PCDHA1: variants seen among roughly 807,000 people sequenced by gnomAD.
PCDHA1 encodes protocadherin alpha 1.
Under a neutral mutation model 61.3 loss-of-function variants are expected in PCDHA1, and 42 were observed. The observed-to-expected ratio is 0.69, with a 90% CI of 0.54 to 0.89. PCDHA1 has a LOEUF of 0.89. PCDHA1 is among the 40% of genes least tolerant of loss of function. PCDHA1 has a pLI of 0.00. For synonymous variants in PCDHA1, 610 were observed against 553.8 expected, an observed-to-expected ratio of 1.10 and a Z score of -1.43; for missense variants, 1,256 against 1,235.3, an observed-to-expected ratio of 1.02 and a Z score of -0.25.
At chr5:140,940,795 A>G (rs2153647229) in intron 1 of PCDHA1, among the ~76,000 whole-genome samples, 1 of 152,276 alleles carries the variant, frequency 6.6e-6, no homozygotes, top group Non-Finnish European at 1.5e-5. Flanking sequence ...TGAAAATGAT[A>G]TTTGCCAGGA....
Position 140,834,605 on chromosome 5 carries a change from T to G in PCDHA1, c.2394+45921T>G, listed in dbSNP as rs2150222820. 19 of 1,613,994 alleles carry G rather than the reference T, an allele frequency of 1.2e-5. No homozygotes were observed. The South Asian group carries it at 2.1e-4, about 18-fold the overall frequency. On this transcript the variant is annotated intron_variant, in intron 1 of 3. Coordinates refer to ENST00000504120, the MANE Select transcript of PCDHA1 (RefSeq NM_018900.4). Reference sequence around the variant, plus strand: ...CGGTGTGCAAATTCCGTGGGGATCTTCTGGAGGTAAATCTGCAGAATGGCA... The same window carrying G: ...CGGTGTGCAAATTCCGTGGGGATCTGCTGGAGGTAAATCTGCAGAATGGCA...
intron 1 of PCDHA1, among the ~76,000 whole-genome samples, chr5:140,888,361 C>G (rs1445087911): frequency 2.0e-5 from 3 of 152,156 alleles, no homozygotes; most frequent in Non-Finnish European, 4.4e-5. Flanking sequence ...CTACTGGCAT[C>G]TAATAATGGA....
At chr5:140,858,372 C>T in intron 1 of PCDHA1, 1 of 1,587,864 alleles carries the variant, frequency 6.3e-7, no homozygotes, top group Non-Finnish European at 8.6e-7. Flanking sequence ...CCCAGCCTTC[C>T]ACCATGCCCA....
chr5:140,799,508 C>T (rs1762438458), intron 1 of PCDHA1, among the ~76,000 whole-genome samples: 1 of 151,836 alleles, frequency 6.6e-6, no homozygotes, highest in South Asian at 2.1e-4. Flanking sequence ...AGAAATAATG[C>T]TTAAATGTTT....
At chr5:140,928,041 C>T (rs2084880685) in intron 1 of PCDHA1, 3 of 1,613,398 alleles carry the variant, frequency 1.9e-6, no homozygotes, top group Non-Finnish European at 2.5e-6. Context: ...CTAGTGCAGG[C>T]CCTTTTCAGC....
intron 1 of PCDHA1, among the ~76,000 whole-genome samples, chr5:140,939,509 C>T (rs1013863525): frequency 9.3e-5 from 14 of 150,592 alleles, no homozygotes; most frequent in Non-Finnish European, 1.8e-4. Flanking sequence ...ATGTCTATAA[C>T]ATTAATAGTT....
intron 1 of PCDHA1, chr5:140,848,054 T>TA (rs1554141984): frequency 1.2e-5 from 2 of 162,052 alleles, no homozygotes; most frequent in African/African-American, 4.9e-5. Context: ...TTTTAATTGT[T>TA]ACTTCATTTC....
Position 140,968,677 on chromosome 5 carries a change from G to A in PCDHA1, c.2395-10272G>A, listed in dbSNP as rs781795184. The A allele has an allele frequency of 5.0e-6, 8 of 1,614,156 alleles. No individual in the cohort carries two copies. In the South Asian group the frequency reaches 8.8e-5, roughly 18 times the overall value. ...ACCTGGACCTCTTTAAGGTAGAGCTGCACACAGGAGAAATTAGGACTACCA... is the reference window on the plus strand; with the variant it reads ...ACCTGGACCTCTTTAAGGTAGAGCTACACACAGGAGAAATTAGGACTACCA... On this transcript the variant is annotated intron_variant, in intron 1 of 3. Coordinates refer to ENST00000504120, the MANE Select transcript of PCDHA1 (RefSeq NM_018900.4).
At chr5:140,807,551 G>A in intron 1 of PCDHA1, 1 of 1,614,204 alleles carries the variant, frequency 6.2e-7, no homozygotes. Flanking sequence ...TGTGGACGTG[G>A]AGGTGAGGGA....
At chr5:140,974,910 C>T (rs1054560750) in intron 1 of PCDHA1, among the ~76,000 whole-genome samples, 1 of 152,114 alleles carries the variant, frequency 6.6e-6, no homozygotes, top group Admixed American at 6.5e-5. Flanking sequence ...AACAAATTAC[C>T]ACAAGTAAGT....
At chr5:140,866,641 A>C (rs567516921) in intron 1 of PCDHA1, 3 of 152,226 alleles carry the variant, frequency 2.0e-5, no homozygotes, top group African/African-American at 2.4e-5. Flanking sequence ...ACGGTGTCAA[A>C]ATTTATTTAT....
Position 140,857,922 on chromosome 5 carries a change from T to C in PCDHA1, c.2394+69238T>C, listed in dbSNP as rs782519535. On this transcript the variant is annotated intron_variant, in intron 1 of 3. Coordinates refer to ENST00000504120, the MANE Select transcript of PCDHA1 (RefSeq NM_018900.4). Reference sequence around the variant, plus strand: ...GCACGCATCCCGTTTCGCGTGGGGCTGTACACGGGCGAGATCAGTACGACG... The same window carrying C: ...GCACGCATCCCGTTTCGCGTGGGGCCGTACACGGGCGAGATCAGTACGACG... The C allele has an allele frequency of 1.9e-6, 3 of 1,597,722 alleles. No homozygotes were observed. The South Asian group carries it at 3.3e-5, about 18-fold the overall frequency.
chr5:140,813,253 A>G (rs1210796090), intron 1 of PCDHA1: 1 of 152,342 alleles, frequency 6.6e-6, no homozygotes, highest in East Asian at 1.9e-4. Context: ...ATCTCCTACT[A>G]CAGTCATTGG....
intron 1 of PCDHA1, chr5:140,836,260 T>C (rs2150256538): frequency 6.2e-7 from 1 of 1,613,780 alleles, no homozygotes; most frequent in Admixed American, 1.7e-5. Flanking sequence ...CGCGTGGGGC[T>C]GTACACTGGT....
rs782446771 is a variant in PCDHA1, at chr5:140,796,531, C to G, written c.2394+7847C>G. On this transcript the variant is annotated intron_variant, in intron 1 of 3. Coordinates refer to ENST00000504120, the MANE Select transcript of PCDHA1 (RefSeq NM_018900.4). ...CGGCAAGGTGTACGCGCTGCAGCCG[C>G]TGGACCACGAGGAAGTGGAGCTGCT... The G allele has an allele frequency of 3.1e-6, 5 of 1,612,656 alleles. No individual in the cohort carries two copies. The African/African-American group carries it at 5.3e-5, about 17-fold the overall frequency.
chr5:140,857,611 G>T, intron 1 of PCDHA1: 1 of 1,596,436 alleles, frequency 6.3e-7, no homozygotes, highest in Admixed American at 1.7e-5. Context: ...CGCTGCAGCC[G>T]CTGGACCACG....
intron 1 of PCDHA1, chr5:140,823,355 T>C (rs951193537): frequency 1.2e-6 from 2 of 1,612,432 alleles, no homozygotes; most frequent in South Asian, 1.1e-5. Context: ...CACGAGGAAG[T>C]GGAGCTGCTG....
At chr5:140,831,655 G>C (rs2150196678) in intron 1 of PCDHA1, among the ~76,000 whole-genome samples, 27 of 151,452 alleles carry the variant, frequency 1.8e-4, no homozygotes, top group African/African-American at 6.1e-4. Context: ...GAGCCACTAT[G>C]CTTGGCTAGT....
In PCDHA1 at chr5:140,894,570, T is replaced by G. The variant is rs558111947; in HGVS notation, c.2395-84379T>G. ...TTTACTTCTGAAAAAATTATTTTCC[T>G]TTTTTTTAATATTTTACTGAGTTTT... On this transcript the variant is annotated intron_variant, in intron 1 of 3. Coordinates refer to ENST00000504120, the MANE Select transcript of PCDHA1 (RefSeq NM_018900.4). Among the ~76,000 whole-genome samples the G allele has an allele frequency of 1.5e-4, 23 of 151,856 alleles. No individual in the cohort carries two copies. The South Asian group carries it at 4.4e-3, about 29-fold the overall frequency.
Sources: gnomAD v4.1 joint callset for allele counts (sites outside exome capture counted in the v4.1 genomes callset) on GRCh38, gnomAD v4.1.1 for gene constraint, MANE v1.5 for transcripts, NCBI Gene and HGNC (gene_info 2026-07-23, HGNC 2026-07-21) for gene names.